Variants in HMCN1 observed in about 807,000 individuals in gnomAD.
HMCN1 encodes hemicentin 1.
Under a neutral mutation model 625.9 loss-of-function variants are expected in HMCN1, and 321 were observed. That is an observed-to-expected ratio of 0.51 (90% CI 0.47 to 0.56). The LOEUF is 0.56. Ranked by LOEUF, HMCN1 falls within the 20% of genes least tolerant of loss-of-function variation. The pLI is 0.00. For missense variants in HMCN1, 6,588 were observed against 6,887.3 expected (o/e 0.96, Z 1.54); for synonymous variants, 2,425 against 2,417.6 (o/e 1.00, Z -0.09).
intron 15 of HMCN1, among the ~76,000 whole-genome samples, chr1:185,976,350 T>C (rs985176842): frequency 6.6e-6 from 1 of 152,110 alleles, no homozygotes; most frequent in African/African-American, 2.4e-5. Context: ...ATTGCCCAGG[T>C]AGTAACATTT....
At position 186,172,720 on chromosome 1, in the gene HMCN1, A is replaced by G. The variant is rs973267181; in HGVS notation, c.15814+589A>G. Among the ~76,000 whole-genome samples the G allele has an allele frequency of 1.4e-4, 22 of 152,288 alleles. No homozygotes were observed. In the South Asian group the frequency reaches 2.1e-3, roughly 14 times the overall value. The stretch of plus-strand genomic sequence containing the variant: ...CAACTGCAGGATTTACAAAAATAAA[A>G]GAGAGATACCATTCCCATTCTCATT... On this transcript the variant is annotated intron_variant, in intron 102 of 106. Transcript: ENST00000271588.
In HMCN1 at chr1:186,151,683, A is replaced by C. The variant is rs1161946400; in HGVS notation, c.14836A>C (p.Asn4946His). 6.2e-7 allele frequency: 1 copy of C among 1,613,524 alleles called. No homozygotes were observed. The highest frequency in any genetic ancestry group is 1.3e-5 in the African/African-American group (1 of 74,906). ...TTAKEIGEAVNGFTLTNAVFK... is the reference protein window; with the variant it reads ...TTAKEIGEAVHGFTLTNAVFK... ...AGCAAAGGAAATAGGAGAAGCAGTC[A>C]ATGGCTTTACCCTCACCAATGCAGT... Residue 4946 changes from asparagine to histidine, a missense_variant, in exon 95 of 107, where the codon AAT becomes CAT. Asn to His is a moderately conservative substitution (Grantham distance 68). Around this residue, in one of 3 missense-constraint regions of HMCN1, gnomAD observed 1,954 missense variants for 2,013.1 expected, o/e 0.97. Transcript: ENST00000271588.
intron 16 of HMCN1, 84 bp downstream of exon 16, chr1:185,978,065 A>G: frequency 1.0e-6 from 1 of 976,020 alleles, no homozygotes; most frequent in Admixed American, 2.1e-5. Flanking sequence ...TGCTATTTAA[A>G]ATAGTATATT....
intron 15 of HMCN1, among the ~76,000 whole-genome samples, chr1:185,972,963 G>A (rs1432369403): frequency 2.0e-5 from 3 of 152,120 alleles, no homozygotes; most frequent in Admixed American, 6.6e-5. Context: ...GCAAATCACA[G>A]TTGCAGTGAT....
chr1:186,081,386 A>T lies in HMCN1; in HGVS notation c.8779A>T (p.Ile2927Phe). The T allele has an allele frequency of 1.9e-6, 3 of 1,610,110 alleles. No homozygotes were observed. The highest frequency in any genetic ancestry group is 1.7e-6 in the Non-Finnish European group (2 of 1,176,518). Residue 2927 changes from isoleucine (I) to phenylalanine (F), a missense_variant, in exon 56 of 107, where the codon ATT (isoleucine) becomes TTT (phenylalanine). Coordinates refer to ENST00000271588, the MANE Select transcript of HMCN1 (RefSeq NM_031935.3). ...TCATAAATTTCTATCTAATGGACGA[A>T]TTCTGCAGGTAAAAGTAAAGAAAGA... ...DHHKFLSNGRILQILNTQITD... is the reference protein window; with the variant it reads ...DHHKFLSNGRFLQILNTQITD...
At chr1:185,874,975 T>A (rs1571484385) in intron 4 of HMCN1, among the ~76,000 whole-genome samples, 1 of 151,752 alleles carries the variant, frequency 6.6e-6, no homozygotes, top group East Asian at 1.9e-4. Flanking sequence ...ATTAACAAAT[T>A]AATGCAGTAA....
chr1:185,776,556 T>G (rs1410776084), intron 1 of HMCN1, among the ~76,000 whole-genome samples: 1 of 150,482 alleles, frequency 6.6e-6, no homozygotes, highest in Non-Finnish European at 1.5e-5. Flanking sequence ...TACATTCTTG[T>G]GACTTTCTTG....
chr1:185,923,719 T>C (rs915666244), intron 8 of HMCN1, 66 bp downstream of exon 8: 1 of 1,288,674 alleles, frequency 7.8e-7, no homozygotes, highest in Non-Finnish European at 1.1e-6. Flanking sequence ...GTCCCATAGG[T>C]AAATAACGGA....
chr1:185,830,008 C>G (rs186781996), intron 1 of HMCN1, among the ~76,000 whole-genome samples: 1 of 152,214 alleles, frequency 6.6e-6, no homozygotes, highest in East Asian at 1.9e-4. Flanking sequence ...TGATGTTGAG[C>G]TTTTTTTCAT....
chr1:186,119,346 T>A (rs769571811), intron 78 of HMCN1, 48 bp downstream of exon 78: 2 of 1,330,452 alleles, frequency 1.5e-6, no homozygotes, highest in Non-Finnish European at 2.2e-6. Context: ...TTTGGGGAGG[T>A]TTTTTAGTCA....
Position 186,178,786 on chromosome 1 carries a change from C to CATT in HMCN1, c.16294+21_16294+23dup. The CATT allele has an allele frequency of 6.7e-7, 1 of 1,503,482 alleles. No homozygotes were observed. Among genetic ancestry groups the CATT allele is most frequent in the Admixed American group, 1.7e-5 (1 of 59,848 alleles). The allele number at this position is 1,503,482 out of a possible 1,614,324, so 93.1% of individuals were successfully genotyped here. On this transcript the variant is annotated intron_variant, in intron 104 of 106. Transcript: ENST00000271588. Reference sequence around the variant, plus strand: ...GTGTAGGTAAATGTCAGCCATATTACATTTCCTTTCTGTGGGCTCTCTTAC... The same window carrying CATT: ...GTGTAGGTAAATGTCAGCCATATTACATTATTTCCTTTCTGTGGGCTCTCTTAC...
intron 42 of HMCN1, 77 bp from the exon 43 acceptor site, chr1:186,052,861 ATTTGAGTAGAAGCC>A: frequency 9.1e-7 from 1 of 1,103,986 alleles, no homozygotes; most frequent in South Asian, 1.3e-5. Flanking sequence ...TCCTTATGTC[ATTTGAGTAGAAGCC>A]TTTTATCTTA....
chr1:186,063,467 AAGGAAGGAAGGAAGGAAGGAAG>A (rs1657899245), intron 48 of HMCN1, among the ~76,000 whole-genome samples: 4 of 129,672 alleles, frequency 3.1e-5, no homozygotes, highest in Admixed American at 7.4e-5. Context: ...GGAAGGAAGG[AAGGAAGGAAGGAAGGAAGGAAG>A]GAAGGAAGGA....
intron 94 of HMCN1, 70 bp downstream of exon 94, chr1:186,151,419 G>A: frequency 2.7e-6 from 4 of 1,467,706 alleles, no homozygotes; most frequent in Non-Finnish European, 3.8e-6. Flanking sequence ...TTCCATTAAA[G>A]TTCTAGAGAA....
At chr1:185,994,648 T>C (rs1395092689) in intron 23 of HMCN1, among the ~76,000 whole-genome samples, 167 bp from the exon 24 acceptor site, 3 of 152,154 alleles carry the variant, frequency 2.0e-5, no homozygotes, top group South Asian at 4.1e-4. Context: ...GGAAGTTTAC[T>C]GACTTGTCCT....
At position 186,055,584 on chromosome 1, in the gene HMCN1, A is replaced by T; in HGVS notation, c.7054A>T (p.Asn2352Tyr). Residue 2352 changes from asparagine (N) to tyrosine (Y), a missense_variant, in exon 45 of 107, where the codon AAC becomes TAC. Physicochemically the swap from Asn to Tyr is moderately radical, Grantham distance 143. Around this residue, in one of 3 missense-constraint regions of HMCN1, gnomAD observed 4,628 missense variants for 4,853.1 expected, o/e 0.95. Transcript: ENST00000271588. ...TGAAGGTCACATCCTTCAGCTGAAG[A>T]ACATTCATGTATCTGACACAGGCCG... ...LDEGHILQLK[N>Y]IHVSDTGRYV... 3 of 1,612,896 alleles carry T rather than the reference A, an allele frequency of 1.9e-6. No homozygotes were observed. The highest frequency in any genetic ancestry group is 2.5e-6 in the Non-Finnish European group (3 of 1,179,224).
chr1:185,881,205 A>C (rs1019092179), intron 4 of HMCN1, among the ~76,000 whole-genome samples: 3 of 152,216 alleles, frequency 2.0e-5, no homozygotes, highest in African/African-American at 7.2e-5. Flanking sequence ...ATGGCTCCAG[A>C]GCTCTTGTTT....
At chr1:186,144,029 A>G (rs1650127991) in intron 89 of HMCN1, 144 bp from the exon 90 acceptor site, 1 of 691,506 alleles carries the variant, frequency 1.4e-6, no homozygotes, top group Admixed American at 3.3e-5. Context: ...AAAGATCATC[A>G]TTTGTTATGT....
At chr1:186,134,042 A>T (rs1418182565) in intron 86 of HMCN1, among the ~76,000 whole-genome samples, 1 of 152,122 alleles carries the variant, frequency 6.6e-6, no homozygotes, top group Non-Finnish European at 1.5e-5. Flanking sequence ...GACCCAGTTT[A>T]AAAAAAGCTA....
Sources: allele counts gnomAD v4.1 joint callset (sites outside exome capture counted in the v4.1 genomes callset), GRCh38; gene constraint gnomAD v4.1.1; regional missense constraint gnomAD v4.1.1; transcripts MANE v1.5; gene names NCBI Gene and HGNC (gene_info 2026-07-23, HGNC 2026-07-21).